The following SAMD4B variants were observed in gnomAD, a reference collection of about 807,000 sequenced individuals.
SAMD4B encodes the protein protein Smaug homolog 2.
A neutral mutation model predicts 74.5 loss-of-function variants in SAMD4B; 5 were observed. The ratio of observed to expected loss-of-function variants is 0.07; its 90% CI spans 0.04 to 0.14. The LOEUF (loss-of-function observed/expected upper bound fraction) is 0.14. Among genes scored for constraint, SAMD4B ranks in the 10% least tolerant of loss-of-function variants. SAMD4B has a pLI of 1.00. For synonymous variants in SAMD4B, 373 were observed against 374.9 expected (o/e 1.00, Z 0.06); for missense variants, 608 against 921.8 (o/e 0.66, Z 4.41).
chr19:39,377,605 A>T lies in SAMD4B; in HGVS notation c.1225A>T (p.Thr409Ser), dbSNP rs1467569099. 24 of 1,613,854 alleles carry T rather than the reference A, an allele frequency of 1.5e-5. No individual in the cohort carries two copies. The highest frequency in any genetic ancestry group is 2.0e-5 in the Non-Finnish European group (24 of 1,179,944). ...CGTGGCTGCCGCCACCACCACCCCT[A>T]CTGCCAAGGATGGGGCCCCGGGGGA... ...ATVAAATTTPTAKDGAPGEPP... is the reference protein window; with the variant it reads ...ATVAAATTTPSAKDGAPGEPP... Residue 409 changes from threonine to serine, a missense_variant, in exon 8 of 14, where the codon ACT (threonine) becomes TCT (serine). By Grantham distance (58) the Thr-to-Ser change is moderately conservative (BLOSUM62 1). Around this residue, in one of 9 missense-constraint regions of SAMD4B, gnomAD observed 99 missense variants for 112.1 expected, o/e 0.88. Transcript: ENST00000610417.
intron 1 of SAMD4B, among the ~76,000 whole-genome samples, chr19:39,343,257 C>T (rs906761599): frequency 6.6e-6 from 1 of 151,760 alleles, no homozygotes; most frequent in African/African-American, 2.4e-5. Context: ...ATTTTCCCTC[C>T]CACTTACCCC....
At chr19:39,386,885 G>T (rs2078264003), downstream of SAMD4B, 1 of 852,064 alleles carries the variant, frequency 1.2e-6, no homozygotes, top group Non-Finnish European at 2.0e-6. This position sits in a 1 kb window ranked among gnomAD's most constrained non-coding sequence, Gnocchi z 6.1. Context: ...TGAGGGGTCT[G>T]GTCTGACTTG....
At chr19:39,348,218 A>G (rs1366738978) in intron 1 of SAMD4B, 2 of 152,234 alleles carry the variant, frequency 1.3e-5, no homozygotes, top group African/African-American at 4.8e-5. Context: ...ACCAGGTGCT[A>G]TGCTAGGAAT....
intron 3 of SAMD4B, among the ~76,000 whole-genome samples, chr19:39,358,873 C>T (rs925828967): frequency 6.6e-6 from 1 of 152,180 alleles, no homozygotes. Flanking sequence ...TGCCTGGCCT[C>T]CCTCATCTCC....
At position 39,383,218 on chromosome 19, in the gene SAMD4B, T is replaced by G. The variant is rs140996761; in HGVS notation, c.1983T>G (p.Val661=). The G allele has an allele frequency of 8.5e-3, 13,794 of 1,614,000 alleles. 106 individuals are homozygous for G. The highest frequency in any genetic ancestry group is 9.1e-3 in the Non-Finnish European group (10,690 of 1,179,914). Residue 661 remains valine (V), a synonymous_variant, in exon 13 of 14, where the codon GTT becomes GTG. Coordinates refer to ENST00000610417, the MANE Select transcript of SAMD4B (RefSeq NM_001384574.2). This position sits in a 1 kb window ranked among gnomAD's most constrained non-coding sequence, Gnocchi z 4.1. ...AILMFPPDCP[V]PGPDLEINPT... ...CTCTCTCCCACCCAGACTGCCCGGT[T>G]CCTGGGCCTGACCTGGAGATCAATC...
chr19:39,377,237 T>C (rs2077656461), intron 7 of SAMD4B, among the ~76,000 whole-genome samples: 1 of 152,212 alleles, frequency 6.6e-6, no homozygotes, highest in African/African-American at 2.4e-5. Context: ...TCTATCCTTG[T>C]TGGGTCCTTG....
chr19:39,359,437 C>T (rs1477771601), intron 3 of SAMD4B, among the ~76,000 whole-genome samples: 1 of 152,210 alleles, frequency 6.6e-6, no homozygotes, highest in Non-Finnish European at 1.5e-5. Flanking sequence ...GATAAATTCC[C>T]TGCATATATG....
At chr19:39,379,240 C>T (rs1372301880) in intron 9 of SAMD4B, among the ~76,000 whole-genome samples, 1 of 152,008 alleles carries the variant, frequency 6.6e-6, no homozygotes, top group African/African-American at 2.4e-5. Flanking sequence ...TGGCCTCAAG[C>T]GATCCCCTGC....
At chr19:39,389,023 A>G (rs40353), downstream of SAMD4B, 156,762 of 1,613,576 alleles carry the variant, frequency 0.097, 21,514 homozygotes, top group African/African-American at 0.67. The surrounding 1 kb of genome is among the most constrained non-coding windows in gnomAD (Gnocchi z 5.3). Context: ...GATCTGGTGG[A>G]ACAAAAACAA....
chr19:39,348,254 G>A (rs1292482398), intron 1 of SAMD4B: 1 of 152,192 alleles, frequency 6.6e-6, no homozygotes, highest in East Asian at 1.9e-4. Context: ...GAATAATATA[G>A]CTACAGTCTT....
downstream of SAMD4B, chr19:39,388,790 A>G (rs975255601): frequency 2.5e-6 from 4 of 1,613,942 alleles, no homozygotes; most frequent in Non-Finnish European, 3.4e-6. Flanking sequence ...ATCATCTCCA[A>G]CGCAGCTGCA....
chr19:39,367,500 T>C (rs1356935475), intron 3 of SAMD4B, among the ~76,000 whole-genome samples: 1 of 148,354 alleles, frequency 6.7e-6, no homozygotes, highest in Admixed American at 6.7e-5. Flanking sequence ...GTTTTTTTTT[T>C]CTTTTTCTTT....
chr19:39,348,115 G>A (rs2075808393), intron 1 of SAMD4B, among the ~76,000 whole-genome samples: 1 of 152,134 alleles, frequency 6.6e-6, no homozygotes, highest in South Asian at 2.1e-4. Flanking sequence ...TCTGGGAGTG[G>A]AACATTCTAA....
At chr19:39,363,016 A>G (rs973016086) in intron 3 of SAMD4B, among the ~76,000 whole-genome samples, 11 of 152,058 alleles carry the variant, frequency 7.2e-5, no homozygotes, top group Non-Finnish European at 1.3e-4. Flanking sequence ...GGTGAGGCAG[A>G]GAAGGTCATG....
chr19:39,390,190 CCCCCGCTGCCCCACCTCTGCTCCCAG>C (rs779463775), downstream of SAMD4B: 11 of 1,610,430 alleles, frequency 6.8e-6, no homozygotes, highest in Non-Finnish European at 7.6e-6. Context: ...CAAAAGTGGG[CCCCCGCTGCCCCACCTCTGCTCCCAG>C]CCCCACTGCC....
intron 3 of SAMD4B, among the ~76,000 whole-genome samples, chr19:39,357,983 G>A (rs2076424872): frequency 6.6e-6 from 1 of 152,214 alleles, no homozygotes; most frequent in Admixed American, 6.5e-5. Flanking sequence ...TAAAAGCAGT[G>A]TTCTTGGCCA....
In SAMD4B at chr19:39,377,500, G is replaced by A. The variant is rs200412162; in HGVS notation, c.1120G>A (p.Gly374Arg). The change falls in exon 8 of 14, where the codon GGG (glycine) becomes AGG (arginine). Residue 374 changes from glycine (G) to arginine (R), a missense_variant. Gly to Arg is a moderately radical substitution (Grantham distance 125). Transcript: ENST00000610417. ...TCCCATCCAGGATGTGCTGGAAGGCGGGAACCTACGAAACGCTCTGCAGGA... is the reference window on the plus strand; with the variant it reads ...TCCCATCCAGGATGTGCTGGAAGGCAGGAACCTACGAAACGCTCTGCAGGA... ...KSLEKDVLEG[G>R]NLRNALQELQ... 41 of 1,571,164 alleles carry A rather than the reference G, an allele frequency of 2.6e-5. No individual in the cohort carries two copies. Among genetic ancestry groups the A allele is most frequent in the African/African-American group, 1.2e-4 (9 of 74,096 alleles).
At chr19:39,390,337 CAGG>C (rs367745748), downstream of SAMD4B, 241 of 1,564,670 alleles carry the variant, frequency 1.5e-4, no homozygotes, top group Non-Finnish European at 1.9e-4. Flanking sequence ...ACGGGATTGA[CAGG>C]AGAATGAAAA....
At chr19:39,345,931 G>A (rs1225593381) in intron 1 of SAMD4B, among the ~76,000 whole-genome samples, 1 of 151,980 alleles carries the variant, frequency 6.6e-6, no homozygotes, top group Admixed American at 6.6e-5. Flanking sequence ...TCCTGTCTTA[G>A]GGACTTTCTT....
Sources: gnomAD v4.1 joint callset for allele counts (sites outside exome capture counted in the v4.1 genomes callset) on GRCh38, gnomAD v4.1.1 for gene constraint, gnomAD v4.1.1 regional missense constraint, Gnocchi (gnomAD v3.1) non-coding constraint, MANE v1.5 for transcripts, NCBI Gene and HGNC (gene_info 2026-07-23, HGNC 2026-07-21) for gene names.